The following SHANK2 variants were observed in gnomAD, a reference collection of about 807,000 sequenced individuals.
SHANK2 encodes SH3 and multiple ankyrin repeat domains 2, also known as SH3 and multiple ankyrin repeat domains protein 2.
Under a neutral mutation model 133.7 loss-of-function variants are expected in SHANK2, and 43 were observed. The ratio of observed to expected loss-of-function variants is 0.32; its 90% CI spans 0.25 to 0.41. The LOEUF (loss-of-function observed/expected upper bound fraction) is 0.41. SHANK2 is among the 10% of genes least tolerant of loss of function. The probability of loss-of-function intolerance (pLI) is 1.00; values close to 1 mark genes in which losing one functional copy is unlikely to be tolerated. For synonymous variants in SHANK2, 1,017 were observed against 952.8 expected, an observed-to-expected ratio of 1.07 and a Z score of -1.24; for missense variants, 1,994 against 2,235.8, an observed-to-expected ratio of 0.89 and a Z score of 2.18.
chr11:71,168,589 G>A (rs1293564946), intron 2 of SHANK2, among the ~76,000 whole-genome samples: 3 of 152,272 alleles, frequency 2.0e-5, no homozygotes, highest in Non-Finnish European at 2.9e-5. Flanking sequence ...TCAGGATGCC[G>A]AGGCTGGCGG....
Position 70,531,653 on chromosome 11 carries a change from T to C in SHANK2, c.2062-28722A>G, listed in dbSNP as rs373514530. ...GTGGCCACAGGCATTTTGCTGCGCCTCTGCGTCCTAGGAGTGGGGATAAGC... is the reference window on the plus strand; with the variant it reads ...GTGGCCACAGGCATTTTGCTGCGCCCCTGCGTCCTAGGAGTGGGGATAAGC... On this transcript the variant is annotated intron_variant, in intron 17 of 25. Coordinates refer to ENST00000601538, the MANE Select transcript of SHANK2 (RefSeq NM_012309.5). Among the ~76,000 whole-genome samples, 54 of 152,300 alleles carry C rather than the reference T, an allele frequency of 3.5e-4. No homozygotes were observed. In the East Asian group the frequency reaches 5.8e-3, roughly 16 times the overall value.
chr11:70,799,276 T>C (rs545488149), intron 13 of SHANK2, among the ~76,000 whole-genome samples: 11 of 152,040 alleles, frequency 7.2e-5, no homozygotes, highest in East Asian at 1.9e-4. Context: ...CCCATGCCTG[T>C]AATCTCAGCT....
chr11:70,748,279 C>G (rs60381001), intron 14 of SHANK2, among the ~76,000 whole-genome samples: 3,635 of 152,254 alleles, frequency 0.024, 176 homozygotes, highest in African/African-American at 0.084. Context: ...CCAAGAGACA[C>G]GCTGTTCTGA....
intron 14 of SHANK2, among the ~76,000 whole-genome samples, chr11:70,702,922 G>C (rs1489859871): frequency 2.0e-5 from 3 of 152,338 alleles, no homozygotes; most frequent in African/African-American, 7.2e-5. Flanking sequence ...TCCTTAAAGG[G>C]GAAGGATTGA....
In SHANK2 at chr11:70,627,376, C is replaced by G. The variant is rs547009996; in HGVS notation, c.2061+32452G>C. 5.3e-5 allele frequency among the ~76,000 whole-genome samples: 8 copies of G among 152,276 alleles called. No homozygotes were observed. The East Asian group carries it at 1.5e-3, about 29-fold the overall frequency. On this transcript the variant is annotated intron_variant, in intron 17 of 25. Coordinates refer to ENST00000601538, the MANE Select transcript of SHANK2 (RefSeq NM_012309.5). The stretch of plus-strand genomic sequence containing the variant: ...CCAGCTGGTGGGGGCGTCACCCAAC[C>G]CGGTTCCTAAGTGAGGAGGGCAAAG...
At chr11:70,513,321 A>G (rs944927240) in intron 17 of SHANK2, among the ~76,000 whole-genome samples, 21 of 152,234 alleles carry the variant, frequency 1.4e-4, no homozygotes, top group Admixed American at 1.3e-4. Flanking sequence ...TAAACTTCTC[A>G]TAGGTCTTTG....
intron 17 of SHANK2, among the ~76,000 whole-genome samples, chr11:70,591,995 C>T (rs892211724): frequency 6.6e-6 from 1 of 151,492 alleles, no homozygotes; most frequent in Non-Finnish European, 1.5e-5. Context: ...ATCGCGCCAT[C>T]GCACTCCAGT....
chr11:71,182,122 C>T (rs1282318800), intron 2 of SHANK2, among the ~76,000 whole-genome samples: 2 of 151,870 alleles, frequency 1.3e-5, no homozygotes, highest in Admixed American at 6.5e-5. Flanking sequence ...TTTCCTTCCC[C>T]AAGGCAGCAT....
At chr11:70,542,998 G>A (rs2059641888) in intron 17 of SHANK2, among the ~76,000 whole-genome samples, 1 of 152,188 alleles carries the variant, frequency 6.6e-6, no homozygotes, top group Non-Finnish European at 1.5e-5. Context: ...AGAGCAAGCA[G>A]GCGGGTAGAA....
chr11:70,874,268 C>T (rs151094834), intron 11 of SHANK2, among the ~76,000 whole-genome samples: 9 of 152,082 alleles, frequency 5.9e-5, no homozygotes, highest in Middle Eastern at 6.8e-3. Context: ...TAATCTAATC[C>T]AATCTAATCT....
intron 9 of SHANK2, among the ~76,000 whole-genome samples, chr11:71,072,188 C>A (rs1295325968): frequency 6.6e-6 from 1 of 151,892 alleles, no homozygotes; most frequent in Non-Finnish European, 1.5e-5. Context: ...CCCACCTATG[C>A]CCCCGTGAGC....
intron 2 of SHANK2, among the ~76,000 whole-genome samples, chr11:71,219,313 A>G (rs1322495056): frequency 6.6e-6 from 1 of 152,264 alleles, no homozygotes; most frequent in Non-Finnish European, 1.5e-5. Context: ...CTGGGTGCCA[A>G]TAAAACTTTA....
chr11:71,218,251 TTTTC>T (rs1341651422), intron 2 of SHANK2, among the ~76,000 whole-genome samples: 3 of 135,310 alleles, frequency 2.2e-5, no homozygotes, highest in Non-Finnish European at 4.6e-5. Context: ...ATTCTTCTAA[TTTTC>T]TTTTTCTTTT....
At chr11:70,943,192 G>A (rs1013632267) in intron 10 of SHANK2, 13 of 429,872 alleles carry the variant, frequency 3.0e-5, no homozygotes, top group South Asian at 1.0e-4. Flanking sequence ...CTCAGTCACC[G>A]ACATGTTCAA....
intron 11 of SHANK2, among the ~76,000 whole-genome samples, chr11:70,876,916 T>C (rs1346266769): frequency 1.3e-5 from 2 of 152,180 alleles, no homozygotes; most frequent in African/African-American, 4.8e-5. Context: ...GCCTGGGCCA[T>C]CTGGACACTG....
chr11:71,241,945 G>A lies in SHANK2; in HGVS notation c.-113+10480C>T, dbSNP rs781887454. 5.3e-5 allele frequency among the ~76,000 whole-genome samples: 8 copies of A among 152,320 alleles called. No homozygotes were observed. The East Asian group carries it at 5.8e-4, about 11-fold the overall frequency. On this transcript the variant is annotated intron_variant, in intron 1 of 25. Transcript: ENST00000601538. ...TCAAGATACTTGCACAACCATGTTC[G>A]CAGTAGCATTATTCACAACAGCCAG...
chr11:70,503,861 C>T (rs181670671), intron 17 of SHANK2, among the ~76,000 whole-genome samples: 176 of 152,308 alleles, frequency 1.2e-3, no homozygotes, highest in Non-Finnish European at 1.5e-3. Context: ...ACTGGGTGGG[C>T]GTCTGGGCTG....
At chr11:70,873,853 C>T (rs1377770675) in intron 11 of SHANK2, among the ~76,000 whole-genome samples, 5 of 152,104 alleles carry the variant, frequency 3.3e-5, no homozygotes, top group Admixed American at 3.3e-4. Flanking sequence ...ACCTTCATTC[C>T]TAGCACCAGC....
At chr11:70,556,214 C>T (rs887355529) in intron 17 of SHANK2, among the ~76,000 whole-genome samples, 6 of 152,304 alleles carry the variant, frequency 3.9e-5, no homozygotes, top group South Asian at 4.1e-4. Context: ...TTTTATGCCT[C>T]GATAGCCATT....
Sources: allele counts gnomAD v4.1 joint callset (sites outside exome capture counted in the v4.1 genomes callset), GRCh38; gene constraint gnomAD v4.1.1; transcripts MANE v1.5; gene names NCBI Gene and HGNC (gene_info 2026-07-23, HGNC 2026-07-21).